Variants in EYS observed in about 807,000 individuals in gnomAD.
EYS encodes protein eyes shut homolog.
Under a neutral mutation model 282.1 loss-of-function variants are expected in EYS, and 250 were observed. The ratio of observed to expected loss-of-function variants is 0.89; its 90% CI spans 0.80 to 0.98. The LOEUF (loss-of-function observed/expected upper bound fraction) is 0.98. EYS is among the 50% of genes least tolerant of loss of function. The pLI, the probability that EYS is intolerant of heterozygous loss-of-function variation, is 0.00. For missense variants in EYS, 4,016 were observed against 3,709.0 expected (o/e 1.08, Z -2.15); for synonymous variants, 1,355 against 1,282.9 (o/e 1.06, Z -1.20).
intron 35 of EYS, among the ~76,000 whole-genome samples, chr6:63,902,520 C>T (rs1047809651): frequency 2.0e-5 from 3 of 151,636 alleles, no homozygotes; most frequent in Admixed American, 6.6e-5. Context: ...TTGTATAAAG[C>T]AGTAATTATA....
chr6:64,561,496 T>A (rs1765393130), intron 26 of EYS, among the ~76,000 whole-genome samples: 1 of 152,076 alleles, frequency 6.6e-6, no homozygotes, highest in South Asian at 2.1e-4. Context: ...ACAAAATCGA[T>A]GTACAAAAGT....
Position 65,568,027 on chromosome 6 carries a change from AT to A in EYS, c.-333+71750del, listed in dbSNP as rs1267144742. ...CGTTTTCCCACCTAGAACAAGAATT[AT>A]TTTTTCTTCCCCCTCCCTATTACCT... On this transcript the variant is annotated intron_variant, in intron 2 of 42. Coordinates refer to ENST00000503581, the MANE Select transcript of EYS (RefSeq NM_001142800.2). 3.9e-5 allele frequency among the ~76,000 whole-genome samples: 6 copies of A among 152,018 alleles called. No homozygotes were observed. In the East Asian group the frequency reaches 5.8e-4, roughly 15 times the overall value.
chr6:65,628,451 T>C (rs1766796462), intron 2 of EYS, among the ~76,000 whole-genome samples: 1 of 152,158 alleles, frequency 6.6e-6, no homozygotes, highest in South Asian at 2.1e-4. Context: ...AAGCCAGCAA[T>C]GGCAACCCCC....
chr6:64,344,585 C>T (rs1771292221), intron 29 of EYS, among the ~76,000 whole-genome samples: 1 of 152,122 alleles, frequency 6.6e-6, no homozygotes. Flanking sequence ...AACCCACAGC[C>T]AATATCATAC....
At chr6:65,276,264 A>G (rs189132821) in intron 12 of EYS, among the ~76,000 whole-genome samples, 25 of 152,240 alleles carry the variant, frequency 1.6e-4, no homozygotes, top group South Asian at 4.2e-4. Context: ...GCCAGAACTC[A>G]TGGTCCAGGA....
chr6:64,395,766 TA>T (rs1773345947), intron 28 of EYS, among the ~76,000 whole-genome samples: 1 of 145,746 alleles, frequency 6.9e-6, no homozygotes, highest in Non-Finnish European at 1.5e-5. Context: ...ACATGTACCC[TA>T]AAACTTAAAG....
At chr6:64,534,266 G>C (rs1764450304) in intron 26 of EYS, among the ~76,000 whole-genome samples, 2 of 151,480 alleles carry the variant, frequency 1.3e-5, no homozygotes, top group South Asian at 4.2e-4. Context: ...TGGTTTCAAG[G>C]CATTTAAATT....
chr6:65,409,921 T>G (rs532777271), intron 5 of EYS, among the ~76,000 whole-genome samples: 1 of 152,188 alleles, frequency 6.6e-6, no homozygotes, highest in African/African-American at 2.4e-5. Flanking sequence ...TTGACATTAT[T>G]ATTTGAAAAC....
chr6:65,240,429 T>G (rs1767030047), intron 12 of EYS, among the ~76,000 whole-genome samples: 1 of 152,124 alleles, frequency 6.6e-6, no homozygotes, highest in Non-Finnish European at 1.5e-5. Flanking sequence ...CTTGCCCACC[T>G]CCTTCCCTCC....
At chr6:65,673,443 G>A (rs1364429565) in intron 1 of EYS, among the ~76,000 whole-genome samples, 1 of 151,988 alleles carries the variant, frequency 6.6e-6, no homozygotes, top group African/African-American at 2.4e-5. Flanking sequence ...GAAGATACAA[G>A]GTCTGAATAA....
At chr6:64,475,653 T>G (rs922544514) in intron 26 of EYS, among the ~76,000 whole-genome samples, 3 of 152,060 alleles carry the variant, frequency 2.0e-5, no homozygotes, top group African/African-American at 4.8e-5. Flanking sequence ...TCATCATGAT[T>G]GTGTCCTCGG....
chr6:63,816,878 A>G (rs1449414959), intron 36 of EYS, among the ~76,000 whole-genome samples: 1 of 152,242 alleles, frequency 6.6e-6, no homozygotes, highest in Non-Finnish European at 1.5e-5. Context: ...TGCATTTTCA[A>G]ATAACTTCCT....
chr6:64,113,557 T>C (rs543014827), intron 31 of EYS, among the ~76,000 whole-genome samples: 6 of 152,254 alleles, frequency 3.9e-5, no homozygotes, highest in Non-Finnish European at 7.4e-5. Flanking sequence ...GGAGCAAAAA[T>C]TCCTTGACAG....
chr6:64,139,602 G>T (rs994334494), intron 31 of EYS, among the ~76,000 whole-genome samples: 2 of 152,218 alleles, frequency 1.3e-5, no homozygotes, highest in Admixed American at 6.5e-5. Context: ...TGCTAGAAAG[G>T]TTATCAATAT....
At chr6:64,970,557 T>C (rs1583345107) in intron 14 of EYS, among the ~76,000 whole-genome samples, 1 of 152,150 alleles carries the variant, frequency 6.6e-6, no homozygotes, top group Admixed American at 6.5e-5. Flanking sequence ...GTGTTATGAG[T>C]AGCCACTTAA....
At chr6:64,307,932 ATCTT>A (rs1769517997) in intron 29 of EYS, among the ~76,000 whole-genome samples, 1 of 152,086 alleles carries the variant, frequency 6.6e-6, no homozygotes, top group African/African-American at 2.4e-5. Flanking sequence ...ATGCCTATAT[ATCTT>A]AGTACTGTAT....
At chr6:64,710,894 C>T (rs1358367635) in intron 22 of EYS, among the ~76,000 whole-genome samples, 3 of 152,184 alleles carry the variant, frequency 2.0e-5, no homozygotes, top group African/African-American at 7.2e-5. Context: ...TCAAAAGCAG[C>T]AGCCTGGTCT....
At chr6:64,856,652 G>A (rs1247364239) in intron 19 of EYS, among the ~76,000 whole-genome samples, 1 of 152,040 alleles carries the variant, frequency 6.6e-6, no homozygotes, top group East Asian at 1.9e-4. Context: ...AGTTATTTGT[G>A]TATTTTGAAT....
intron 26 of EYS, among the ~76,000 whole-genome samples, chr6:64,458,681 T>G (rs1406467721): frequency 2.6e-5 from 4 of 152,154 alleles, no homozygotes; most frequent in African/African-American, 9.7e-5. Context: ...TCTGATTTTT[T>G]TAATGGGATA....
Sources: allele counts gnomAD v4.1 joint callset (sites outside exome capture counted in the v4.1 genomes callset), GRCh38; gene constraint gnomAD v4.1.1; transcripts MANE v1.5; gene names NCBI Gene and HGNC (gene_info 2026-07-23, HGNC 2026-07-21).